The following PNLIPRP1 variants were observed in gnomAD, a reference collection of about 807,000 sequenced individuals.
PNLIPRP1 encodes inactive pancreatic lipase-related protein 1.
A neutral mutation model predicts 54.6 loss-of-function variants in PNLIPRP1; 57 were observed. That is an observed-to-expected ratio of 1.04 (90% confidence interval 0.84 to 1.30). The LOEUF (loss-of-function observed/expected upper bound fraction) is 1.30. PNLIPRP1 is among the 50% of genes most tolerant of loss of function. The pLI is 0.00. For missense variants in PNLIPRP1, 567 were observed against 568.5 expected, an observed-to-expected ratio of 1.00 and a Z score of 0.03; for synonymous variants, 232 against 208.8, an observed-to-expected ratio of 1.11 and a Z score of -0.96.
At chr10:116,591,402 A>C (rs1025804725) in intron 2 of PNLIPRP1, among the ~76,000 whole-genome samples, 1 of 152,222 alleles carries the variant, frequency 6.6e-6, no homozygotes, top group Non-Finnish European at 1.5e-5. Flanking sequence ...GCCCAAGGCC[A>C]GACATTTCTA....
chr10:116,596,753 T>C (rs1292340109), intron 6 of PNLIPRP1, among the ~76,000 whole-genome samples: 2 of 152,174 alleles, frequency 1.3e-5, no homozygotes, highest in African/African-American at 4.8e-5. Context: ...CTGCTTCTAC[T>C]AGTAGAAGAA....
intron 10 of PNLIPRP1, among the ~76,000 whole-genome samples, chr10:116,602,070 C>T (rs1554864861): frequency 6.7e-6 from 1 of 148,834 alleles, no homozygotes; most frequent in Non-Finnish European, 1.5e-5. Flanking sequence ...GGCTGGAGTG[C>T]AGAGGCGCAA....
intron 4 of PNLIPRP1, chr10:116,594,397 T>C (rs1847697092): frequency 3.9e-6 from 2 of 511,484 alleles, no homozygotes; most frequent in African/African-American, 1.9e-5. Context: ...CCACCGGAGA[T>C]TGCACCTAAG....
intron 2 of PNLIPRP1, 45 bp from the exon 3 acceptor site, chr10:116,591,726 C>T: frequency 6.2e-7 from 1 of 1,604,754 alleles, no homozygotes. Context: ...CCCCAGAGCA[C>T]ACCTTGAGAG....
chr10:116,600,338 G>T (rs192573020), intron 9 of PNLIPRP1, 173 bp downstream of exon 9: 83 of 531,148 alleles, frequency 1.6e-4, no homozygotes, highest in African/African-American at 1.4e-3. Context: ...GCAGGAGATG[G>T]CTAAAATTTT....
At position 116,604,556 on chromosome 10, in the gene PNLIPRP1, C is replaced by G. The variant is rs114675173; in HGVS notation, c.1172+418C>G. Among the ~76,000 whole-genome samples, 541 of 152,248 alleles carry G rather than the reference C, an allele frequency of 3.6e-3. 6 individuals carry two copies. Among genetic ancestry groups the G allele is most frequent in the African/African-American group, 0.012 (519 of 41,550 alleles). The stretch of plus-strand genomic sequence containing the variant: ...TTAAATTACCTAAGGACACATTTCT[C>G]AGAACATATCTCCATTGTTAAGCAA... On this transcript the variant is annotated intron_variant, in intron 11 of 12. Transcript: ENST00000358834.
rs1847650957 is a variant in PNLIPRP1 at position 116,592,153 on chromosome 10, T to C, written c.204+228T>C. ...AGAACCTCTAGCTACTGTGTGATTC[T>C]GGTCTGGGGCAAACAGCTTACTGTC... On this transcript the variant is annotated intron_variant, in intron 3 of 12. Coordinates refer to ENST00000358834, the MANE Select transcript of PNLIPRP1 (RefSeq NM_006229.4). The C allele has an allele frequency of 6.3e-6, 4 of 632,452 alleles. No individual in the cohort carries two copies. The South Asian group carries it at 8.2e-5, about 13-fold the overall frequency. 39.2% of individuals were successfully genotyped at this position (632,452 alleles called of 1,614,324 possible). A position where few individuals can be genotyped will look rare whatever the true frequency, so the allele number is the denominator to read the frequency against.
chr10:116,605,681 T>C (rs1342867165), intron 12 of PNLIPRP1, 128 bp downstream of exon 12: 26 of 570,898 alleles, frequency 4.6e-5, no homozygotes, highest in African/African-American at 4.5e-4. Context: ...CTGTGGCCCC[T>C]TCTCCCCAAA....
Position 116,605,419 on chromosome 10 carries a change from T to A in PNLIPRP1, c.1206T>A (p.Tyr402Ter). Residue 402 changes from tyrosine to a stop codon, truncating the protein, a stop_gained, in exon 12 of 13, where the codon TAT becomes TAA. Transcript: ENST00000358834. LOFTEE classifies it high-confidence loss of function. ...TCAAACCAGGCTCAACCCATTCCTA[T>A]GAGTTTGATGCAAAGCTGGATGTTG... ...GILKPGSTHSYEFDAKLDVGT... is the reference protein window; with the variant it reads ...GILKPGSTHS The A allele has an allele frequency of 6.2e-7, 1 of 1,609,832 alleles. No individual in the cohort carries two copies. The highest frequency in any genetic ancestry group is 8.5e-7 in the Non-Finnish European group (1 of 1,176,708).
chr10:116,594,858 C>G lies in PNLIPRP1; in HGVS notation c.459C>G (p.Ile153Met). ...CCCAGGTGGCCCAGATGCTCGACAT[C>G]CTCTTGGTGAGTCAGCTGGCTGGCC... is the stretch of plus-strand genomic sequence containing the variant. ...VGAQVAQMLD[I>M]LLTEYSYPPS... is the part of the protein sequence containing the mutation. Residue 153 changes from isoleucine to methionine, a missense_variant, in exon 5 of 13, where the codon ATC becomes ATG. Physicochemically the swap from Ile to Met is conservative, Grantham distance 10. Transcript: ENST00000358834. 6.2e-7 allele frequency: 1 copy of G among 1,613,952 alleles called. No homozygotes were observed. The highest frequency in any genetic ancestry group is 8.5e-7 in the Non-Finnish European group (1 of 1,179,996).
At chr10:116,596,406 C>T (rs112339996) in intron 6 of PNLIPRP1, 84 bp downstream of exon 6, 2 of 786,440 alleles carry the variant, frequency 2.5e-6, no homozygotes, top group African/African-American at 1.7e-5. Flanking sequence ...TTCAGAGCTC[C>T]CCTGAAGGAG....
chr10:116,593,978 GA>G (rs1236477662), intron 4 of PNLIPRP1: 2 of 155,304 alleles, frequency 1.3e-5, no homozygotes, highest in South Asian at 1.6e-4. Context: ...AAAAAAGAAA[GA>G]AAAAAAGAAA....
chr10:116,598,063 A>G lies in PNLIPRP1; in HGVS notation c.711A>G (p.Gln237=). 1.2e-6 allele frequency: 2 copies of G among 1,614,184 alleles called. No individual in the cohort carries two copies. Among genetic ancestry groups the G allele is most frequent in the Non-Finnish European group, 1.7e-6 (2 of 1,180,040 alleles). The stretch of plus-strand genomic sequence containing the variant: ...GCATTTCAGGTTTTGGAACGAACCA[A>G]CAGATGGGTCATCTTGACTTCTTCC... The part of the protein sequence containing the change: ...LIPFLGFGTN[Q]QMGHLDFFPN... Residue 237 remains glutamine (Q), a synonymous_variant, in exon 8 of 13, where the codon CAA becomes CAG. Coordinates refer to ENST00000358834, the MANE Select transcript of PNLIPRP1 (RefSeq NM_006229.4).
rs143977485 is a variant in PNLIPRP1, at chr10:116,607,122, T to C, written c.1340+1569T>C. 9.7e-3 allele frequency among the ~76,000 whole-genome samples: 1,480 copies of C among 152,152 alleles called. 17 individuals are homozygous for C. Among genetic ancestry groups the C allele is most frequent in the Admixed American group, 0.022 (329 of 15,270 alleles). On this transcript the variant is annotated intron_variant, in intron 12 of 12. Transcript: ENST00000358834. ...CCCCTCATATTTTTTAGTAACCTCA[T>C]TGGGGTTTCAATTCCTACTAAGGAA...
At chr10:116,591,029 G>GTGAA in intron 1 of PNLIPRP1, 34 bp downstream of exon 1, 2 of 847,836 alleles carry the variant, frequency 2.4e-6, no homozygotes, top group East Asian at 2.5e-5. Flanking sequence ...TCCCCCTGCT[G>GTGAA]TGACGTACAG....
chr10:116,594,004 C>T, intron 4 of PNLIPRP1: 1 of 163,456 alleles, frequency 6.1e-6, no homozygotes, highest in South Asian at 1.5e-4. Context: ...AAGAAAAGTC[C>T]TGAGGAGAAA....
Position 116,594,739 on chromosome 10 carries a change from G to A in PNLIPRP1, c.340G>A (p.Glu114Lys), listed in dbSNP as rs782300185. Residue 114 changes from glutamate to lysine, a missense_variant, in exon 5 of 13, where the codon GAG becomes AAG. Glu to Lys is a moderately conservative substitution (Grantham distance 56, BLOSUM62 1). Coordinates refer to ENST00000358834, the MANE Select transcript of PNLIPRP1 (RefSeq NM_006229.4). ...WVTDMCKKLF[E>K]VEEVNCICVD... ...ATCTCCCCAACACCAGAAACTGTTC[G>A]AGGTGGAGGAGGTGAACTGCATCTG... The A allele has an allele frequency of 1.1e-5, 17 of 1,614,174 alleles. No homozygotes were observed. The highest frequency in any genetic ancestry group is 2.2e-5 in the East Asian group (1 of 44,878).
chr10:116,594,735 G>C lies in PNLIPRP1; in HGVS notation c.336G>C (p.Leu112=). The C allele has an allele frequency of 6.2e-7, 1 of 1,614,166 alleles. No individual in the cohort carries two copies. Among genetic ancestry groups the C allele is most frequent in the African/African-American group, 1.3e-5 (1 of 75,046 alleles). The change falls in exon 5 of 13, where the codon CTG becomes CTC. Residue 112 remains leucine (L), a synonymous_variant. Transcript: ENST00000358834. Reference sequence around the variant, plus strand: ...CACTATCTCCCCAACACCAGAAACTGTTCGAGGTGGAGGAGGTGAACTGCA... The same window carrying C: ...CACTATCTCCCCAACACCAGAAACTCTTCGAGGTGGAGGAGGTGAACTGCA... ...ESWVTDMCKK[L]FEVEEVNCIC...
At chr10:116,603,979 G>A (rs782280884) in intron 10 of PNLIPRP1, 51 bp from the exon 11 acceptor site, 1 of 1,062,892 alleles carries the variant, frequency 9.4e-7, no homozygotes, top group Admixed American at 1.9e-5. Context: ...CTGGGATGTA[G>A]GCTACTTATT....
Sources: allele counts gnomAD v4.1 joint callset (sites outside exome capture counted in the v4.1 genomes callset), GRCh38; gene constraint gnomAD v4.1.1; transcripts MANE v1.5; gene names NCBI Gene and HGNC (gene_info 2026-07-23, HGNC 2026-07-21).